Variants in TMEM165 observed in about 807,000 individuals in gnomAD.
TMEM165 encodes transmembrane protein 165.
Under a neutral mutation model 30.0 loss-of-function variants are expected in TMEM165, and 19 were observed. That is an observed-to-expected ratio of 0.63 (90% CI 0.44 to 0.93). TMEM165 has a LOEUF of 0.93. Ranked by LOEUF, TMEM165 falls within the 40% of genes least tolerant of loss-of-function variation. The pLI is 0.00. For synonymous variants in TMEM165, 168 were observed against 162.9 expected (o/e 1.03, Z -0.24); for missense variants, 340 against 417.0 (o/e 0.82, Z 1.61).
intron 4 of TMEM165, among the ~76,000 whole-genome samples, chr4:55,422,362 A>G (rs1722017175): frequency 6.6e-6 from 1 of 152,054 alleles, no homozygotes; most frequent in Non-Finnish European, 1.5e-5. Flanking sequence ...GGTCCAAGCG[A>G]TTCTTCTGCC....
chr4:55,397,454 C>A (rs1338897459), intron 1 of TMEM165: 1 of 151,842 alleles, frequency 6.6e-6, no homozygotes, highest in Middle Eastern at 3.2e-3. Flanking sequence ...AGGCTTTGTG[C>A]TCTCTTGCCA....
chr4:55,450,205 T>C (rs1724300047), intron 3 of TMEM165: 1 of 1,614,044 alleles, frequency 6.2e-7, no homozygotes, highest in Non-Finnish European at 8.5e-7. Flanking sequence ...ACTGTGTTTA[T>C]ACGATTATCT....
intron 1 of TMEM165, among the ~76,000 whole-genome samples, chr4:55,401,552 A>G (rs1465407243): frequency 1.3e-5 from 2 of 150,646 alleles, no homozygotes; most frequent in Admixed American, 1.3e-4. Context: ...TCTTGTTATC[A>G]TATTTTTACT....
intron 1 of TMEM165, among the ~76,000 whole-genome samples, chr4:55,400,059 G>A (rs1416061430): frequency 7.3e-6 from 1 of 137,836 alleles, no homozygotes; most frequent in Non-Finnish European, 1.5e-5. Flanking sequence ...TGCTCAGCCT[G>A]CCCTCAAACT....
chr4:55,424,801 A>G, intron 5 of TMEM165, 158 bp downstream of exon 5: 1 of 580,224 alleles, frequency 1.7e-6, no homozygotes, highest in Non-Finnish European at 3.0e-6. Context: ...TATTGCAAAT[A>G]CGGACTTTTT....
chr4:55,431,534 CCAAT>C (rs1722501950), intron 3 of TMEM165: 1 of 139,958 alleles, frequency 7.1e-6, no homozygotes, highest in Non-Finnish European at 1.5e-5. Context: ...TTCAAAAATT[CCAAT>C]CAGCTTGTCC....
chr4:55,411,491 A>T, intron 1 of TMEM165, 123 bp from the exon 2 acceptor site: 1 of 817,288 alleles, frequency 1.2e-6, no homozygotes, highest in Non-Finnish European at 1.9e-6. Flanking sequence ...CAGAGTGATT[A>T]GACAGTAAAT....
At position 55,452,773 on chromosome 4, in the gene TMEM165, A is replaced by G. The variant is rs1724580415; in HGVS notation, c.*467A>G. Reference sequence around the variant, plus strand: ...GATAAAAATATCTGATGTGTAAATTATATTTCATAATTCATATAAATAACC... The same window carrying G: ...GATAAAAATATCTGATGTGTAAATTGTATTTCATAATTCATATAAATAACC... On this transcript the variant is annotated 3_prime_UTR_variant, in exon 4 of 4. Coordinates refer to the TMEM165 transcript ENST00000608091. 5 of 239,914 alleles carry G rather than the reference A, an allele frequency of 2.1e-5. No homozygotes were observed. In the East Asian group the frequency reaches 3.6e-4, roughly 17 times the overall value. 14.9% of individuals were successfully genotyped at this position (239,914 alleles called of 1,614,324 possible). A position where few individuals can be genotyped will look rare whatever the true frequency, so the allele number is the denominator to read the frequency against.
chr4:55,437,791 T>G (rs1723004621), intron 3 of TMEM165, among the ~76,000 whole-genome samples: 1 of 152,202 alleles, frequency 6.6e-6, no homozygotes, highest in South Asian at 2.1e-4. Flanking sequence ...TACATATACT[T>G]AGCTCATAGA....
At chr4:55,440,302 A>C (rs1012236323) in intron 3 of TMEM165, among the ~76,000 whole-genome samples, 4 of 152,186 alleles carry the variant, frequency 2.6e-5, no homozygotes, top group African/African-American at 9.7e-5. Flanking sequence ...TCTGTGCTAG[A>C]ATTCATTAAT....
intron 2 of TMEM165, among the ~76,000 whole-genome samples, chr4:55,414,019 A>G (rs1721621155): frequency 6.6e-6 from 1 of 152,226 alleles, no homozygotes; most frequent in Non-Finnish European, 1.5e-5. Flanking sequence ...CTGTGATCCC[A>G]GCACTTTGGG....
chr4:55,425,345 C>T, intron 5 of TMEM165, 31 bp from the exon 6 acceptor site: 2 of 1,579,782 alleles, frequency 1.3e-6, no homozygotes, highest in East Asian at 4.5e-5. Flanking sequence ...AGGAATTTTA[C>T]TGTATTTGAC....
chr4:55,438,388 G>T (rs1354081098), intron 3 of TMEM165: 1 of 1,613,882 alleles, frequency 6.2e-7, no homozygotes, highest in Non-Finnish European at 8.5e-7. Context: ...CTGCGTTACT[G>T]ACAATGTCTG....
chr4:55,451,398 CCT>C (rs112139787), intron 3 of TMEM165, among the ~76,000 whole-genome samples: 5 of 152,172 alleles, frequency 3.3e-5, no homozygotes, highest in Admixed American at 6.5e-5. Flanking sequence ...CTATTACCCC[CCT>C]GTTGTTGATT....
At position 55,396,179 on chromosome 4, in the gene TMEM165, C is replaced by T; in HGVS notation, c.-11C>T. The T allele has an allele frequency of 7.3e-7, 1 of 1,378,804 alleles. No homozygotes were observed. The highest frequency in any genetic ancestry group is 9.3e-7 in the Non-Finnish European group (1 of 1,076,598). The allele number at this position is 1,378,804 out of a possible 1,614,324, so 85.4% of individuals were successfully genotyped here. A position where few individuals can be genotyped will look rare whatever the true frequency, so the allele number is the denominator to read the frequency against. The stretch of plus-strand genomic sequence containing the variant: ...TTGCGGCGCCCGTGCGCGGCCGGCC[C>T]GGCAGGCGGGATGGCGGCCGCGGCT... On this transcript the variant is annotated 5_prime_UTR_variant, in exon 1 of 6. Transcript: ENST00000381334.
chr4:55,412,393 C>CAAAAA (rs371124857), intron 2 of TMEM165, among the ~76,000 whole-genome samples: 9,110 of 53,844 alleles, frequency 0.17, 2,148 homozygotes, highest in Non-Finnish European at 0.22. Context: ...GACTCCATCT[C>CAAAAA]AAAAAAAAAA....
rs764919716 is a variant in TMEM165 at position 55,418,026 on chromosome 4, AATT to A, written c.792+49_792+51del. ...GAGGAGACTGTTTAAAATGAAACGT[AATT>A]ATTATTACTTTGTTCCAGAAAACAC... On this transcript the variant is annotated intron_variant, in intron 4 of 5. Coordinates refer to ENST00000381334, the MANE Select transcript of TMEM165 (RefSeq NM_018475.5). 2.6e-6 allele frequency: 4 copies of A among 1,540,760 alleles called. No homozygotes were observed. The African/African-American group carries it at 5.5e-5, about 21-fold the overall frequency.
At chr4:55,408,454 T>G (rs937921155) in intron 1 of TMEM165, among the ~76,000 whole-genome samples, 2 of 152,230 alleles carry the variant, frequency 1.3e-5, no homozygotes, top group Non-Finnish European at 2.9e-5. Context: ...GCTACAAATC[T>G]GTACAGCGTG....
chr4:55,440,567 A>G (rs767642013), intron 3 of TMEM165, among the ~76,000 whole-genome samples: 7 of 152,180 alleles, frequency 4.6e-5, no homozygotes, highest in Non-Finnish European at 4.4e-5. Flanking sequence ...TTTATACACT[A>G]CACAACCAAA....
Sources: allele counts gnomAD v4.1 joint callset (sites outside exome capture counted in the v4.1 genomes callset), GRCh38; gene constraint gnomAD v4.1.1; transcripts MANE v1.5; gene names NCBI Gene and HGNC (gene_info 2026-07-23, HGNC 2026-07-21).